HNRNPH3: variants seen among roughly 807,000 people sequenced by gnomAD.
HNRNPH3 encodes heterogeneous nuclear ribonucleoprotein H3.
Under a neutral mutation model 47.0 loss-of-function variants are expected in HNRNPH3, and 7 were observed. The ratio of observed to expected loss-of-function variants is 0.15; its 90% confidence interval spans 0.08 to 0.28. HNRNPH3 has a LOEUF of 0.28. HNRNPH3 is among the 10% of genes least tolerant of loss of function. The pLI is 1.00. For synonymous variants in HNRNPH3, 120 were observed against 143.2 expected (o/e 0.84, Z 1.16); for missense variants, 279 against 449.6 (o/e 0.62, Z 3.43).
intron 1 of HNRNPH3, among the ~76,000 whole-genome samples, chr10:68,335,837 G>A (rs930362485): frequency 1.3e-5 from 2 of 152,162 alleles, no homozygotes; most frequent in Admixed American, 6.5e-5. Context: ...GCAGAGTAGG[G>A]ATTCAGACCC....
intron 1 of HNRNPH3, among the ~76,000 whole-genome samples, chr10:68,334,635 G>T (rs1322448232): frequency 1.3e-5 from 2 of 152,126 alleles, no homozygotes; most frequent in African/African-American, 4.8e-5. Flanking sequence ...ATGGAATCAT[G>T]CAATATGTAG....
chr10:68,337,145 T>C lies in HNRNPH3; in HGVS notation c.-23-54T>C, dbSNP rs1242820518. The C allele has an allele frequency of 4.7e-6, 4 of 847,380 alleles. No homozygotes were observed. Among genetic ancestry groups the C allele is most frequent in the Non-Finnish European group, 7.8e-6 (4 of 513,972 alleles). The allele number at this position is 847,380 out of a possible 1,614,324, so 52.5% of individuals were successfully genotyped here. A position where few individuals can be genotyped will look rare whatever the true frequency, so the allele number is the denominator to read the frequency against. On this transcript the variant is annotated intron_variant, in intron 1 of 9. Coordinates refer to ENST00000265866, the MANE Select transcript of HNRNPH3 (RefSeq NM_012207.3). This position sits in a 1 kb window ranked among gnomAD's most constrained non-coding sequence, Gnocchi z 4.5. ...CTGAGAGGTGTTTCTTCATTACCTC[T>C]TGACAAGAGTATATTTTGATTGACT...
Position 68,343,045 on chromosome 10 carries a change from T to C in HNRNPH3, c.*991T>C, listed in dbSNP as rs1363104350. On this transcript the variant is annotated 3_prime_UTR_variant, in exon 10 of 10. Transcript: ENST00000265866. ...CTATATGTAGCAAGGAAAAGGTGCT[T>C]TTTAATTTTAATCCCTTTGATCAAT... 6.6e-6 allele frequency: 1 copy of C among 152,238 alleles called. No individual in the cohort carries two copies. Among genetic ancestry groups the C allele is most frequent in the Non-Finnish European group, 1.5e-5 (1 of 68,040 alleles). The allele number at this position is 152,238 out of a possible 1,614,324, so 9.4% of individuals were successfully genotyped here. A position where few individuals can be genotyped will look rare whatever the true frequency, so the allele number is the denominator to read the frequency against.
chr10:68,341,321 C>T lies in HNRNPH3; in HGVS notation c.775+12C>T, dbSNP rs756513218. On this transcript the variant is annotated intron_variant, in intron 7 of 9. Coordinates refer to ENST00000265866, the MANE Select transcript of HNRNPH3 (RefSeq NM_012207.3). ...TAAAAATAACATGCGTAAGTGGTGT[C>T]TTTGGCACACAATCTTATTTCCTAA... 2.5e-6 allele frequency: 4 copies of T among 1,592,322 alleles called. No individual in the cohort carries two copies. The African/African-American group carries it at 5.5e-5, about 22-fold the overall frequency.
Position 68,337,581 on chromosome 10 carries a change from T to C in HNRNPH3, c.112+248T>C. 1.8e-6 allele frequency: 1 copy of C among 547,994 alleles called. No homozygotes were observed. Among genetic ancestry groups the C allele is most frequent in the South Asian group, 2.6e-5 (1 of 38,488 alleles). The allele number at this position is 547,994 out of a possible 1,614,324, so 33.9% of individuals were successfully genotyped here. ...ATGAAATGAACCGTGAATTAGTATA[T>C]GGAGCATATATTTGATTTTGTAGCC... On this transcript the variant is annotated intron_variant, in intron 2 of 9. Coordinates refer to ENST00000265866, the MANE Select transcript of HNRNPH3 (RefSeq NM_012207.3). This position sits in a 1 kb window ranked among gnomAD's most constrained non-coding sequence, Gnocchi z 4.5.
At position 68,341,751 on chromosome 10, in the gene HNRNPH3, T is replaced by C. The variant is rs1406726988; in HGVS notation, c.872-8T>C. On this transcript the variant is annotated splice_polypyrimidine_tract_variant and splice_region_variant and intron_variant, in intron 8 of 9. Transcript: ENST00000265866. ...AGTCTCAATTTTTTTTCTTTTTTCT[T>C]TTTAAAGATAATCAGGGAGGCTATG... 1 of 1,595,564 alleles carries C rather than the reference T, an allele frequency of 6.3e-7. No homozygotes were observed. The highest frequency in any genetic ancestry group is 2.2e-5 in the East Asian group (1 of 44,790).
rs762397759 is a variant in HNRNPH3 at position 68,338,622 on chromosome 10, A to G, written c.371A>G (p.Tyr124Cys). The change falls in exon 4 of 10, where the codon TAT (tyrosine) becomes TGT (cysteine). Residue 124 changes from tyrosine to cysteine, a missense_variant. Tyr to Cys is a radical substitution (Grantham distance 194, BLOSUM62 -2). Transcript: ENST00000265866. ...YDRPIGGRGG[Y>C]YGAGRGSMYD... ...AGACCAATAGGAGGAAGAGGGGGTT[A>G]TTATGGAGCTGGGCGTGGAAGTATG... 88 of 1,612,686 alleles carry G rather than the reference A, an allele frequency of 5.5e-5. No individual in the cohort carries two copies. The Admixed American group carries it at 1.0e-3, about 19-fold the overall frequency.
At chr10:68,341,362 ATAAG>A in intron 7 of HNRNPH3, 53 bp downstream of exon 7, 1 of 1,550,420 alleles carries the variant, frequency 6.4e-7, no homozygotes, top group Non-Finnish European at 8.8e-7. Context: ...AATTTATAAA[ATAAG>A]AGGCTCTAAG....
intron 7 of HNRNPH3, 31 bp downstream of exon 7, chr10:68,341,340 T>A: frequency 6.3e-7 from 1 of 1,579,820 alleles, no homozygotes; most frequent in Non-Finnish European, 8.6e-7. Flanking sequence ...ACAATCTTAT[T>A]TCCTAAACGT....
upstream of HNRNPH3, chr10:68,332,057 C>G (rs2045138364): frequency 6.5e-6 from 1 of 152,730 alleles, no homozygotes; most frequent in Non-Finnish European, 1.5e-5. Flanking sequence ...TCCCATCCCC[C>G]CAAGCCAGTA....
At chr10:68,338,476 C>T in intron 3 of HNRNPH3, 27 bp from the exon 4 acceptor site, 9 of 1,482,760 alleles carry the variant, frequency 6.1e-6, no homozygotes, top group South Asian at 2.4e-5. Context: ...TATGCTGAAA[C>T]CTGTACCTTA....
At position 68,339,164 on chromosome 10, in the gene HNRNPH3, G is replaced by A. The variant is rs757556811; in HGVS notation, c.461G>A (p.Gly154Asp). 1.2e-6 allele frequency: 2 copies of A among 1,610,426 alleles called. No homozygotes were observed. Among genetic ancestry groups the A allele is most frequent in the African/African-American group, 1.3e-5 (1 of 74,944 alleles). Residue 154 changes from glycine (G) to aspartate (D), a missense_variant, in exon 5 of 10, where the codon GGT becomes GAT. Transcript: ENST00000265866. ...GGTTATGGAGGTTTTGATGACTATG[G>A]TGGCTATAATAATTACGGCTATGGG... is the stretch of plus-strand genomic sequence containing the variant. ...DGGYGGFDDYGGYNNYGYGND... is the reference protein window; with the variant it reads ...DGGYGGFDDYDGYNNYGYGND...
chr10:68,341,177 T>G lies in HNRNPH3; in HGVS notation c.643T>G (p.Phe215Val). The part of the protein sequence containing the change: ...RATENDIANF[F>V]SPLNPIRVHI... ...ATAAGTGTTTCCTTTTATTTAGTTC[T>G]TCTCACCACTAAATCCAATACGAGT... Residue 215 changes from phenylalanine to valine, a missense_variant, in exon 7 of 10, where the codon TTC becomes GTC. By Grantham distance (50) the Phe-to-Val change is conservative. This residue lies in a region of HNRNPH3 where 239 missense variants were observed against 335.8 expected (regional missense o/e 0.71). Transcript: ENST00000265866. The G allele has an allele frequency of 6.4e-7, 1 of 1,559,090 alleles. No homozygotes were observed. The highest frequency in any genetic ancestry group is 8.6e-7 in the Non-Finnish European group (1 of 1,158,660).
chr10:68,333,897 C>T (rs1026509954), intron 1 of HNRNPH3, among the ~76,000 whole-genome samples: 4 of 152,110 alleles, frequency 2.6e-5, no homozygotes, highest in African/African-American at 9.7e-5. Flanking sequence ...GTTTGAGTGA[C>T]CCTTTGAAGA....
chr10:68,339,613 T>C, intron 6 of HNRNPH3, 58 bp downstream of exon 6: 1 of 1,037,872 alleles, frequency 9.6e-7, no homozygotes, highest in Non-Finnish European at 1.5e-6. Context: ...TCTAAATCTT[T>C]AAGCATTCTT....
At chr10:68,341,722 G>C (rs373884393) in intron 8 of HNRNPH3, 37 bp from the exon 9 acceptor site, 74 of 1,580,614 alleles carry the variant, frequency 4.7e-5, no homozygotes, top group Non-Finnish European at 6.0e-5. Context: ...GCTGCTTATC[G>C]ATGAGTCTCA....
chr10:68,332,372 A>G (rs1334305262), intron 1 of HNRNPH3, 156 bp downstream of exon 1: 1 of 151,974 alleles, frequency 6.6e-6, no homozygotes, highest in Non-Finnish European at 1.5e-5. Context: ...CTCCCCGACC[A>G]TCTCCCACTT....
intron 3 of HNRNPH3, 167 bp downstream of exon 3, chr10:68,338,163 G>A: frequency 1.9e-6 from 1 of 513,016 alleles, no homozygotes; most frequent in Non-Finnish European, 3.4e-6. Context: ...GGGAATTAAT[G>A]CTAATAGTTA....
Position 68,341,834 on chromosome 10 carries a change from A to T in HNRNPH3, c.947A>T (p.Asp316Val), listed in dbSNP as rs958766183. 1.2e-6 allele frequency: 2 copies of T among 1,610,234 alleles called. No homozygotes were observed. The highest frequency in any genetic ancestry group is 1.7e-6 in the Non-Finnish European group (2 of 1,177,478). ...TACAGTGGAGGATATGGTACTCCTGATGGTTTGGGTGGTTATGGTAAGTAT... is the reference window on the plus strand; with the variant it reads ...TACAGTGGAGGATATGGTACTCCTGTTGGTTTGGGTGGTTATGGTAAGTAT... Reference protein sequence around the residue: ...NNYSGGYGTPDGLGGYGRGGG... With the variant: ...NNYSGGYGTPVGLGGYGRGGG... Residue 316 changes from aspartate to valine, a missense_variant, in exon 9 of 10, where the codon GAT becomes GTT. Asp to Val is a radical substitution (Grantham distance 152). Around this residue, in one of 2 missense-constraint regions of HNRNPH3, gnomAD observed 239 missense variants for 335.8 expected, o/e 0.71. Coordinates refer to ENST00000265866, the MANE Select transcript of HNRNPH3 (RefSeq NM_012207.3).
Sources: allele counts gnomAD v4.1 joint callset (sites outside exome capture counted in the v4.1 genomes callset), GRCh38; gene constraint gnomAD v4.1.1; regional missense constraint gnomAD v4.1.1; non-coding constraint Gnocchi (gnomAD v3.1); transcripts MANE v1.5; gene names NCBI Gene and HGNC (gene_info 2026-07-23, HGNC 2026-07-21).